Variants in MEGF6 observed in about 807,000 individuals in gnomAD.
MEGF6 encodes the protein multiple EGF like domains 6, also known as multiple epidermal growth factor-like domains protein 6.
In MEGF6, 184 loss-of-function variants were observed where a neutral mutation model predicts 207.1. The observed-to-expected ratio is 0.89, with a 90% CI of 0.79 to 1.00. The LOEUF is 1.00. Ranked by LOEUF, MEGF6 falls within the 50% of genes least tolerant of loss-of-function variation. MEGF6 has a pLI of 0.00. For synonymous variants in MEGF6, 1,038 were observed against 910.0 expected (o/e 1.14, Z -2.53); for missense variants, 2,282 against 2,202.9 (o/e 1.04, Z -0.72).
chr1:3,551,743 G>T (rs984258223), intron 4 of MEGF6, among the ~76,000 whole-genome samples: 4 of 152,082 alleles, frequency 2.6e-5, no homozygotes, highest in Admixed American at 6.5e-5. Flanking sequence ...GAGCTGGATG[G>T]GGGGAGCTGG....
chr1:3,571,261 A>G (rs1302360101), intron 4 of MEGF6, among the ~76,000 whole-genome samples: 1 of 152,078 alleles, frequency 6.6e-6, no homozygotes, highest in Non-Finnish European at 1.5e-5. Flanking sequence ...TCAATGAGGC[A>G]TCTCCCAGCC....
intron 4 of MEGF6, among the ~76,000 whole-genome samples, chr1:3,564,152 A>G (rs1643281025): frequency 2.1e-5 from 2 of 96,934 alleles, no homozygotes; most frequent in African/African-American, 7.9e-5. Flanking sequence ...TTATAGGGCG[A>G]GGAACTGGGT....
rs553595208 is a variant in MEGF6 at position 3,535,985 on chromosome 1, A to G, written c.482-11739T>C. 1.5e-4 allele frequency among the ~76,000 whole-genome samples: 23 copies of G among 151,920 alleles called. No individual in the cohort carries two copies. The East Asian group carries it at 3.3e-3, about 22-fold the overall frequency. On this transcript the variant is annotated intron_variant, in intron 4 of 36. Transcript: ENST00000356575. The stretch of plus-strand genomic sequence containing the variant: ...CTGTCGGGCAGGGCTCAGTGCTGCA[A>G]CTCTCCAAGGGGGCATCCCTGGGGC...
intron 17 of MEGF6, among the ~76,000 whole-genome samples, chr1:3,503,703 GTGTA>G (rs1255076066): frequency 2.1e-5 from 3 of 144,934 alleles, no homozygotes; most frequent in African/African-American, 5.1e-5. Flanking sequence ...GCATGTATGT[GTGTA>G]TGTGTGTGTA....
At chr1:3,526,200 G>T (rs1224108487) in intron 4 of MEGF6, among the ~76,000 whole-genome samples, 5 of 152,196 alleles carry the variant, frequency 3.3e-5, no homozygotes, top group African/African-American at 1.2e-4. Flanking sequence ...CGGAAGCTTT[G>T]GAAGTGCCAG....
At chr1:3,598,008 G>A (rs769208570) in intron 2 of MEGF6, among the ~76,000 whole-genome samples, 40 of 152,246 alleles carry the variant, frequency 2.6e-4, no homozygotes, top group Non-Finnish European at 5.1e-4. Context: ...ACAGAGGCAA[G>A]ACAGAGAGAC....
At chr1:3,588,913 C>T (rs1040296895) in intron 3 of MEGF6, among the ~76,000 whole-genome samples, 1 of 152,138 alleles carries the variant, frequency 6.6e-6, no homozygotes, top group African/African-American at 2.4e-5. Flanking sequence ...ACAGACTCTG[C>T]CCCTGCCCTC....
chr1:3,500,255 C>G (rs1640798086), intron 21 of MEGF6, among the ~76,000 whole-genome samples: 1 of 152,222 alleles, frequency 6.6e-6, no homozygotes, highest in East Asian at 1.9e-4. Flanking sequence ...CCTAAGCAGA[C>G]CCCTTCTCCA....
At chr1:3,543,537 C>T (rs1642597831) in intron 4 of MEGF6, among the ~76,000 whole-genome samples, 1 of 152,232 alleles carries the variant, frequency 6.6e-6, no homozygotes, top group Admixed American at 6.5e-5. Flanking sequence ...CCCTAGCCAT[C>T]CCAAACACGC....
chr1:3,498,567 G>A (rs930632850), intron 25 of MEGF6, 68 bp from the exon 26 acceptor site: 41 of 1,498,062 alleles, frequency 2.7e-5, no homozygotes, highest in Non-Finnish European at 3.5e-5. Context: ...CCTGACCCAT[G>A]CTTCCTGCAC....
At chr1:3,501,718 C>T (rs1302156324) in intron 18 of MEGF6, 78 bp downstream of exon 18, 2 of 1,532,762 alleles carry the variant, frequency 1.3e-6, no homozygotes, top group Non-Finnish European at 1.8e-6. Context: ...AGGGCTGGGG[C>T]CCCCACAGTT....
chr1:3,575,550 G>C (rs529946716), intron 4 of MEGF6, among the ~76,000 whole-genome samples: 1 of 152,216 alleles, frequency 6.6e-6, no homozygotes, highest in East Asian at 1.9e-4. Context: ...ATTTACAAAA[G>C]AAAGAGGTTT....
the MEGF6 span, among the ~76,000 whole-genome samples, chr1:3,619,998 A>G: frequency 0.8 from 121,052 of 152,174 alleles, 48,320 homozygotes; most frequent in East Asian, 0.98. Context: ...CTCAGACGAA[A>G]ATGAGGAACT....
intron 5 of MEGF6, among the ~76,000 whole-genome samples, chr1:3,516,119 G>A (rs1031241188): frequency 2.0e-5 from 3 of 152,212 alleles, no homozygotes; most frequent in African/African-American, 7.2e-5. Flanking sequence ...CTGTCCCCAC[G>A]CATTGCCCAT....
Position 3,499,164 on chromosome 1 carries a change from C to G in MEGF6, c.3068G>C (p.Gly1023Ala). The change falls in exon 24 of 37, where the codon GGC becomes GCC. Residue 1023 changes from glycine to alanine, a missense_variant. Transcript: ENST00000356575. ...PVHGQCHCAP[G>A]WMGPSCLQAC... ...CTGCAGGCAGGAGGGCCCCATCCAG[C>G]CAGGGGCACAGTGGCACTGCCCGTG... The G allele has an allele frequency of 6.2e-7, 1 of 1,604,310 alleles. No homozygotes were observed. The highest frequency in any genetic ancestry group is 8.5e-7 in the Non-Finnish European group (1 of 1,176,792).
Position 3,499,151 on chromosome 1 carries a change from G to A in MEGF6, c.3081C>T (p.Pro1027=), listed in dbSNP as rs555623673. The A allele has an allele frequency of 1.9e-6, 3 of 1,604,428 alleles. No homozygotes were observed. The highest frequency in any genetic ancestry group is 2.7e-5 in the African/African-American group (2 of 74,930). Residue 1027 remains proline (P), a synonymous_variant, in exon 24 of 37, where the codon CCC becomes CCT. Coordinates refer to ENST00000356575, the MANE Select transcript of MEGF6 (RefSeq NM_001409.4). ...GATGTGGCTTACCCTGCAGGCAGGA[G>A]GGCCCCATCCAGCCAGGGGCACAGT... ...QCHCAPGWMG[P]SCLQACPAGL...
rs7518226 is a variant in MEGF6, at chr1:3,565,831, G to A, written c.481+13994C>T. On this transcript the variant is annotated intron_variant, in intron 4 of 36. Transcript: ENST00000356575. The surrounding 1 kb of genome is among the most constrained non-coding windows in gnomAD (Gnocchi z 4.8). ...TGCCTTCCAACTCTGCTCCAGCCAC[G>A]CTCGGCATTCCGTCCAGGGCAGGCA... Among the ~76,000 whole-genome samples the A allele has an allele frequency of 0.043, 6,600 of 152,230 alleles. 462 individuals are homozygous for A. Among genetic ancestry groups the A allele is most frequent in the African/African-American group, 0.15 (6,167 of 41,506 alleles).
chr1:3,502,050 C>CCTCCTCACATG (rs1640912825), intron 17 of MEGF6, 129 bp from the exon 18 acceptor site: 1 of 37,066 alleles, frequency 2.7e-5, no homozygotes, highest in African/African-American at 2.7e-4. Flanking sequence ...TGTGCCCCCC[C>CCTCCTCACATG]GGCGCCTCCT....
intron 3 of MEGF6, among the ~76,000 whole-genome samples, chr1:3,587,432 C>T (rs1289765419): frequency 6.6e-6 from 1 of 152,240 alleles, no homozygotes; most frequent in African/African-American, 2.4e-5. Context: ...CTTTTTCTCC[C>T]GGTGTTCAAT....
Sources: allele counts gnomAD v4.1 joint callset (sites outside exome capture counted in the v4.1 genomes callset), GRCh38; gene constraint gnomAD v4.1.1; non-coding constraint Gnocchi (gnomAD v3.1); transcripts MANE v1.5; gene names NCBI Gene and HGNC (gene_info 2026-07-23, HGNC 2026-07-21).